Variants in OSTM1 observed in about 807,000 individuals in gnomAD.
OSTM1 encodes the protein osteoclastogenesis associated transmembrane protein 1.
OSTM1 carries 26 observed loss-of-function variants against 35.4 expected under a neutral mutation model. The observed-to-expected ratio is 0.73, with a 90% confidence interval of 0.54 to 1.02. The LOEUF (loss-of-function observed/expected upper bound fraction) is 1.02. Among genes scored for constraint, OSTM1 ranks in the 50% least tolerant of loss-of-function variants. The probability of loss-of-function intolerance (pLI) is 0.00; values close to 1 mark genes in which losing one functional copy is unlikely to be tolerated. For synonymous variants in OSTM1, 181 were observed against 165.0 expected (o/e 1.10, Z -0.75); for missense variants, 366 against 409.6 (o/e 0.89, Z 0.92).
chr6:108,061,896 G>A (rs1772279232), intron 2 of OSTM1, among the ~76,000 whole-genome samples: 1 of 151,964 alleles, frequency 6.6e-6, no homozygotes, highest in Non-Finnish European at 1.5e-5. Flanking sequence ...CAGGTGCATT[G>A]TAAATCCCAA....
At position 108,046,364 on chromosome 6, in the gene OSTM1, C is replaced by T. The variant is rs1421628902; in HGVS notation, c.950-1524G>A. On this transcript the variant is annotated intron_variant, in intron 5 of 5. Transcript: ENST00000193322. Reference sequence around the variant, plus strand: ...TTTTTTTTCTTTTTTTTTTTTGAGACGGAGTCTCACTCTGTCGCCCAGGCT... The same window carrying T: ...TTTTTTTTCTTTTTTTTTTTTGAGATGGAGTCTCACTCTGTCGCCCAGGCT... Among the ~76,000 whole-genome samples the T allele has an allele frequency of 2.2e-5, 3 of 137,060 alleles. No individual in the cohort carries two copies. In the Admixed American group the frequency reaches 2.3e-4, roughly 11 times the overall value. The allele number at this position is 137,060 out of a possible 152,430, so 89.9% of individuals were successfully genotyped here.
At chr6:108,068,064 T>C (rs1772411660) in intron 1 of OSTM1, among the ~76,000 whole-genome samples, 1 of 152,252 alleles carries the variant, frequency 6.6e-6, no homozygotes, top group South Asian at 2.1e-4. Flanking sequence ...TCACCAATAC[T>C]GCCAGTGTTG....
intron 1 of OSTM1, among the ~76,000 whole-genome samples, chr6:108,071,764 C>T (rs925939170): frequency 3.3e-5 from 5 of 152,196 alleles, no homozygotes; most frequent in East Asian, 1.9e-4. Context: ...GAGCCGAGAC[C>T]AAGGCCTAGG....
chr6:108,059,860 A>C (rs1005947120), intron 2 of OSTM1, among the ~76,000 whole-genome samples: 1 of 152,178 alleles, frequency 6.6e-6, no homozygotes, highest in Non-Finnish European at 1.5e-5. Flanking sequence ...AATGATGATA[A>C]TTTTTAATGC....
chr6:108,047,588 C>T (rs114518624), intron 5 of OSTM1, among the ~76,000 whole-genome samples: 2,698 of 152,202 alleles, frequency 0.018, 80 homozygotes, highest in African/African-American at 0.062. Context: ...GGAGGGATAC[C>T]AGTTAAGGGG....
intron 4 of OSTM1, 63 bp downstream of exon 4, chr6:108,050,968 C>G (rs1180409734): frequency 3.4e-5 from 44 of 1,309,874 alleles, no homozygotes; most frequent in Non-Finnish European, 4.7e-5. Context: ...AAATAATAAT[C>G]ATACTGAAGG....
intron 5 of OSTM1, among the ~76,000 whole-genome samples, chr6:108,046,362 G>T (rs9486788): frequency 0.087 from 11,916 of 136,964 alleles, 1,027 homozygotes; most frequent in East Asian, 0.24. Context: ...TTTTTTTTGA[G>T]ACGGAGTCTC....
intron 3 of OSTM1, 42 bp from the exon 4 acceptor site, chr6:108,051,240 A>C (rs754362332): frequency 2.9e-6 from 4 of 1,358,144 alleles, no homozygotes; most frequent in Non-Finnish European, 4.2e-6. Flanking sequence ...AATAAACATT[A>C]TATACAATAT....
chr6:108,056,219 C>A (rs1415930681), intron 2 of OSTM1, among the ~76,000 whole-genome samples: 1 of 152,150 alleles, frequency 6.6e-6, no homozygotes, highest in Non-Finnish European at 1.5e-5. Flanking sequence ...TGCAGTGATT[C>A]CATGAGGGAA....
chr6:108,073,537 A>C (rs1772524819), intron 1 of OSTM1: 1 of 152,232 alleles, frequency 6.6e-6, no homozygotes, highest in African/African-American at 2.4e-5. Context: ...CCTCCCATTT[A>C]CTTAGAGGTA....
chr6:108,044,961 CA>C (rs1204149940), intron 5 of OSTM1, 121 bp from the exon 6 acceptor site: 2 of 490,360 alleles, frequency 4.1e-6, no homozygotes, highest in African/African-American at 4.0e-5. Flanking sequence ...CTAACAGTTC[CA>C]GCCTTATAAG....
intron 1 of OSTM1, among the ~76,000 whole-genome samples, chr6:108,065,342 C>T (rs149880896): frequency 2.3e-3 from 348 of 150,902 alleles, no homozygotes; most frequent in Middle Eastern, 0.01. Context: ...TGGGTTCAAG[C>T]GATCCTCCTG....
chr6:108,058,522 C>T (rs1024048615), intron 2 of OSTM1, among the ~76,000 whole-genome samples: 2 of 152,248 alleles, frequency 1.3e-5, no homozygotes, highest in African/African-American at 4.8e-5. Context: ...GGCGCAGTGG[C>T]TCACGCCTGT....
rs181805085 is a variant in OSTM1, at chr6:108,073,032, A to G, written c.402+1218T>C. 2.5e-3 allele frequency among the ~76,000 whole-genome samples: 374 copies of G among 152,122 alleles called. 2 individuals carry two copies. The highest frequency in any genetic ancestry group is 8.8e-3 in the African/African-American group (365 of 41,498). ...ACCATGTTGGCCACGCTAGTCTCCAACTCCTGACCTCAGGTGATCCCCCTG... is the reference window on the plus strand; with the variant it reads ...ACCATGTTGGCCACGCTAGTCTCCAGCTCCTGACCTCAGGTGATCCCCCTG... On this transcript the variant is annotated intron_variant, in intron 1 of 5. Transcript: ENST00000193322.
chr6:108,054,443 C>T, intron 3 of OSTM1, 47 bp downstream of exon 3: 1 of 861,098 alleles, frequency 1.2e-6, no homozygotes, highest in Non-Finnish European at 1.9e-6. Flanking sequence ...CACATTATTC[C>T]TTTGTACAAG....
rs1582396088 is a variant in OSTM1, at chr6:108,064,215, TA to T, written c.486del (p.Phe162LeufsTer14). The T allele has an allele frequency of 2.5e-6, 4 of 1,598,566 alleles. No individual in the cohort carries two copies. The highest frequency in any genetic ancestry group is 1.7e-6 in the Non-Finnish European group (2 of 1,167,608). The part of the protein sequence containing the change: ...MQIVVILSEF[F>X]NTTWQEANCA... ...CAATTTGCCTCCTGCCATGTGGTAT[TA>T]AAAAATTCTGAGAGAATCACAACTA... On this transcript the variant is annotated frameshift_variant, in exon 2 of 6. Transcript: ENST00000193322. LOFTEE classifies it high-confidence loss of function.
At chr6:108,051,539 T>C (rs966558815) in intron 3 of OSTM1, among the ~76,000 whole-genome samples, 5 of 152,206 alleles carry the variant, frequency 3.3e-5, no homozygotes, top group Non-Finnish European at 7.3e-5. Flanking sequence ...AAATGACTAG[T>C]AACTAAATAC....
chr6:108,072,715 A>G (rs950526722), intron 1 of OSTM1, among the ~76,000 whole-genome samples: 2 of 151,866 alleles, frequency 1.3e-5, no homozygotes, highest in Non-Finnish European at 2.9e-5. Context: ...TAATGCAAAT[A>G]AATTCCCCAG....
intron 3 of OSTM1, among the ~76,000 whole-genome samples, chr6:108,053,955 A>G (rs1169148359): frequency 1.3e-5 from 2 of 152,220 alleles, no homozygotes; most frequent in African/African-American, 4.8e-5. Context: ...GGCAAGTTCC[A>G]ATACCAAAAT....
Sources: allele counts gnomAD v4.1 joint callset (sites outside exome capture counted in the v4.1 genomes callset), GRCh38; gene constraint gnomAD v4.1.1; transcripts MANE v1.5; gene names NCBI Gene and HGNC (gene_info 2026-07-23, HGNC 2026-07-21).